The following PTPRN2 variants were observed in gnomAD, a reference collection of about 807,000 sequenced individuals.
PTPRN2 encodes receptor-type tyrosine-protein phosphatase N2.
PTPRN2 carries 74 observed loss-of-function variants against 118.8 expected under a neutral mutation model. That is an observed-to-expected ratio of 0.62 (90% confidence interval 0.52 to 0.76). The LOEUF (loss-of-function observed/expected upper bound fraction) is 0.76. PTPRN2 is among the 30% of genes least tolerant of loss of function. The pLI is 0.00. For synonymous variants in PTPRN2, 641 were observed against 608.0 expected, an observed-to-expected ratio of 1.05 and a Z score of -0.80; for missense variants, 1,481 against 1,394.4, an observed-to-expected ratio of 1.06 and a Z score of -0.99.
chr7:157,585,516 A>G lies in PTPRN2; in HGVS notation c.2497-7376T>C, dbSNP rs1260511112. Among the ~76,000 whole-genome samples the G allele has an allele frequency of 6.6e-6, 1 of 152,130 alleles. No individual in the cohort carries two copies. Among genetic ancestry groups the G allele is most frequent in the Non-Finnish European group, 1.5e-5 (1 of 68,032 alleles). ...TTCCTCTCCACCCGGCCTTTGTGTG[A>G]CCACCGTGGGTGCCTTTGTGATCAG... On this transcript the variant is annotated intron_variant, in intron 17 of 22. Coordinates refer to ENST00000389418, the MANE Select transcript of PTPRN2 (RefSeq NM_002847.5). The surrounding 1 kb of genome is among the most constrained non-coding windows in gnomAD (Gnocchi z 5.2).
rs1378537853 is a variant in PTPRN2, at chr7:158,003,822, C to CT, written c.1723+77475dup. ...AGGCCAGTGGTAAAACGGGCCTCTG[C>CT]TTTTTTTAAAGAATAGCTTGTCTAA... On this transcript the variant is annotated intron_variant, in intron 11 of 22. Transcript: ENST00000389418. This position sits in a 1 kb window ranked among gnomAD's most constrained non-coding sequence, Gnocchi z 5.0. Among the ~76,000 whole-genome samples, 1 of 152,136 alleles carries CT rather than the reference C, an allele frequency of 6.6e-6. No homozygotes were observed. Among genetic ancestry groups the CT allele is most frequent in the Non-Finnish European group, 1.5e-5 (1 of 68,028 alleles).
At chr7:158,265,644 G>A (rs537489550) in intron 3 of PTPRN2, among the ~76,000 whole-genome samples, 1 of 152,362 alleles carries the variant, frequency 6.6e-6, no homozygotes, top group African/African-American at 2.4e-5. Flanking sequence ...CCTCAGAGAA[G>A]TGCCTCAGCA....
At chr7:158,000,291 G>A (rs974195719) in intron 11 of PTPRN2, among the ~76,000 whole-genome samples, 8 of 152,094 alleles carry the variant, frequency 5.3e-5, no homozygotes. Flanking sequence ...ATAACCAGAG[G>A]ATTAAAACAA....
At chr7:157,737,589 T>C (rs1800377019) in intron 12 of PTPRN2, among the ~76,000 whole-genome samples, 1 of 152,238 alleles carries the variant, frequency 6.6e-6, no homozygotes, top group Admixed American at 6.5e-5. Context: ...CTGGCTTCTC[T>C]GGGCCCAGGC....
At chr7:158,471,696 A>G (rs1819863427) in intron 2 of PTPRN2, among the ~76,000 whole-genome samples, 1 of 148,328 alleles carries the variant, frequency 6.7e-6, no homozygotes, top group Admixed American at 6.7e-5. Context: ...TCAAAAAAAC[A>G]AAAACAAACA....
At chr7:158,175,885 T>C (rs1343323392) in intron 5 of PTPRN2, among the ~76,000 whole-genome samples, 1 of 152,170 alleles carries the variant, frequency 6.6e-6, no homozygotes, top group Non-Finnish European at 1.5e-5. Flanking sequence ...ATCTGAAGAC[T>C]CGTGACACCA....
chr7:158,535,509 C>T (rs777272228), intron 1 of PTPRN2, among the ~76,000 whole-genome samples: 3 of 152,078 alleles, frequency 2.0e-5, no homozygotes, highest in African/African-American at 4.8e-5. Flanking sequence ...CTGCTTTCTG[C>T]GGCTGGACTA....
Position 158,137,136 on chromosome 7 carries a change from C to T in PTPRN2, c.1133-441G>A, listed in dbSNP as rs112861580. ...AGCGTTTCTCTCTAAATAGGTACCC[C>T]GGCTGGGCGCGGTGGCTCACGCCTG... On this transcript the variant is annotated intron_variant, in intron 7 of 22. Coordinates refer to ENST00000389418, the MANE Select transcript of PTPRN2 (RefSeq NM_002847.5). Among the ~76,000 whole-genome samples, 321 of 152,208 alleles carry T rather than the reference C, an allele frequency of 2.1e-3. 1 individual carries two copies. Among genetic ancestry groups the T allele is most frequent in the African/African-American group, 6.9e-3 (288 of 41,544 alleles).
intron 11 of PTPRN2, among the ~76,000 whole-genome samples, chr7:158,025,156 C>A (rs1807171549): frequency 6.6e-6 from 1 of 152,124 alleles, no homozygotes; most frequent in South Asian, 2.1e-4. Context: ...ACACCCTGCA[C>A]TTTAGGAGCT....
intron 2 of PTPRN2, among the ~76,000 whole-genome samples, chr7:158,449,191 G>A (rs1315218424): frequency 6.6e-6 from 1 of 152,184 alleles, no homozygotes; most frequent in Non-Finnish European, 1.5e-5. Flanking sequence ...TTTTCTCCCA[G>A]GTCATGCGTG....
At chr7:158,284,648 G>A (rs192515580) in intron 3 of PTPRN2, among the ~76,000 whole-genome samples, 99 of 152,176 alleles carry the variant, frequency 6.5e-4, no homozygotes, top group South Asian at 1.7e-3. Context: ...ATAGTTTGGC[G>A]TACGGACTCC....
chr7:158,407,550 CGTCCTGGGTCCTGTGTCCTGG>C (rs1563255293), intron 2 of PTPRN2, among the ~76,000 whole-genome samples: 1,025 of 8,450 alleles, frequency 0.12, 406 homozygotes, highest in East Asian at 0.21. Context: ...CTGCGTCCTG[CGTCCTGGGTCCTGTGTCCTGG>C]GTCCTGCGTC....
intron 12 of PTPRN2, among the ~76,000 whole-genome samples, chr7:157,804,320 G>A (rs1370805365): frequency 6.6e-6 from 1 of 152,188 alleles, no homozygotes; most frequent in Non-Finnish European, 1.5e-5. Flanking sequence ...TTTCTTCCAT[G>A]TCTGTGAGGA....
intron 12 of PTPRN2, among the ~76,000 whole-genome samples, chr7:157,706,885 A>G (rs1459392322): frequency 6.6e-6 from 1 of 150,972 alleles, no homozygotes; most frequent in African/African-American, 2.4e-5. Context: ...TATCTTCCAG[A>G]TCAATGTGGA....
chr7:158,250,906 A>T (rs1250977760), intron 3 of PTPRN2, among the ~76,000 whole-genome samples: 1 of 152,190 alleles, frequency 6.6e-6, no homozygotes, highest in East Asian at 1.9e-4. Context: ...GCTTATTCTT[A>T]AAGTGTTTGT....
rs1305367306 is a variant in PTPRN2 at position 158,132,163 on chromosome 7, ACC to A, written c.1556+1512_1556+1513del. Among the ~76,000 whole-genome samples the A allele has an allele frequency of 2.0e-5, 3 of 151,312 alleles. No individual in the cohort carries two copies. In the East Asian group the frequency reaches 5.9e-4, roughly 30 times the overall value. ...CACGTACATACACAGATACACATCT[ACC>A]AAACACACACACATATACACACACA... On this transcript the variant is annotated intron_variant, in intron 9 of 22. Coordinates refer to ENST00000389418, the MANE Select transcript of PTPRN2 (RefSeq NM_002847.5).
chr7:158,091,989 G>A (rs1814211939), intron 10 of PTPRN2, among the ~76,000 whole-genome samples: 1 of 91,168 alleles, frequency 1.1e-5, no homozygotes. Flanking sequence ...TGGTTGGGTG[G>A]GTGGGTGGGT....
rs531123610 is a variant in PTPRN2, at chr7:157,879,588, AT to A, written c.1788+19084del. Among the ~76,000 whole-genome samples, 186 of 150,452 alleles carry A rather than the reference AT, an allele frequency of 1.2e-3. 1 individual carries two copies. Among genetic ancestry groups the A allele is most frequent in the Middle Eastern group, 3.4e-3 (1 of 292 alleles). On this transcript the variant is annotated intron_variant, in intron 12 of 22. Coordinates refer to ENST00000389418, the MANE Select transcript of PTPRN2 (RefSeq NM_002847.5). ...TGGGAGTTAACCGGCATGAAATCAT[AT>A]TTTTTTTTTCCTTTAAAAAGGGAGG...
intron 13 of PTPRN2, 98 bp from the exon 14 acceptor site, chr7:157,656,649 G>A: frequency 8.2e-7 from 1 of 1,219,556 alleles, no homozygotes; most frequent in South Asian, 1.4e-5. Context: ...CCCTTCTCCT[G>A]CTAAGATCCA....
Sources: gnomAD v4.1 joint callset for allele counts (sites outside exome capture counted in the v4.1 genomes callset) on GRCh38, gnomAD v4.1.1 for gene constraint, Gnocchi (gnomAD v3.1) non-coding constraint, MANE v1.5 for transcripts, NCBI Gene and HGNC (gene_info 2026-07-23, HGNC 2026-07-21) for gene names.